Variants in CLDN16 observed in about 807,000 individuals in gnomAD.
CLDN16 encodes the protein claudin-16.
Under a neutral mutation model 24.6 loss-of-function variants are expected in CLDN16, and 13 were observed. The observed-to-expected ratio is 0.53, with a 90% confidence interval of 0.34 to 0.84. The LOEUF is 0.84. Ranked by LOEUF, CLDN16 falls within the 40% of genes least tolerant of loss-of-function variation. CLDN16 has a pLI of 0.01. For synonymous variants in CLDN16, 116 were observed against 106.7 expected (o/e 1.09, Z -0.54); for missense variants, 298 against 292.7 (o/e 1.02, Z -0.13).
At chr3:190,311,027 T>G in the CLDN16 span, among the ~76,000 whole-genome samples, 17 of 152,320 alleles carry the variant, frequency 1.1e-4, no homozygotes, top group Non-Finnish European at 1.9e-4. Context: ...TATAGATAGA[T>G]TAGATGTTTC....
chr3:190,351,981 T>A (rs1007056165), intron 1 of CLDN16, among the ~76,000 whole-genome samples: 1 of 152,172 alleles, frequency 6.6e-6, no homozygotes, highest in East Asian at 1.9e-4. Flanking sequence ...AGCAAAATGT[T>A]TTTCCTGGCT....
At chr3:190,354,174 T>C (rs1336046494) in intron 1 of CLDN16, among the ~76,000 whole-genome samples, 1 of 152,040 alleles carries the variant, frequency 6.6e-6, no homozygotes. Context: ...TTAGGTCTCA[T>C]CTTGATAATC....
intron 1 of CLDN16, among the ~76,000 whole-genome samples, chr3:190,322,904 C>G (rs923735415): frequency 6.6e-6 from 1 of 151,964 alleles, no homozygotes; most frequent in African/African-American, 2.4e-5. Flanking sequence ...TCTCTCTGCT[C>G]TCTTCTGTCA....
At chr3:190,347,023 C>A (rs900199650) in intron 1 of CLDN16, among the ~76,000 whole-genome samples, 1 of 152,110 alleles carries the variant, frequency 6.6e-6, no homozygotes, top group Non-Finnish European at 1.5e-5. Context: ...GGAGGATACT[C>A]TTTATCCTCA....
intron 1 of CLDN16, among the ~76,000 whole-genome samples, chr3:190,348,776 AGT>A (rs1296340982): frequency 5.3e-5 from 8 of 152,246 alleles, no homozygotes; most frequent in Admixed American, 2.6e-4. Context: ...TACTAAGCCT[AGT>A]ACCCATTAGT....
At chr3:190,328,472 T>C (rs1056937572) in intron 1 of CLDN16, among the ~76,000 whole-genome samples, 2 of 152,128 alleles carry the variant, frequency 1.3e-5, no homozygotes, top group African/African-American at 4.8e-5. Flanking sequence ...GTAAATAAAA[T>C]TGATTGAAGT....
chr3:190,382,995 G>A (rs61115147), intron 3 of CLDN16, among the ~76,000 whole-genome samples: 30,536 of 151,986 alleles, frequency 0.2, 3,548 homozygotes, highest in East Asian at 0.45. Flanking sequence ...ACATAAGCTA[G>A]TGTAATAGGA....
At chr3:190,363,635 A>T (rs1717956000) in intron 1 of CLDN16, among the ~76,000 whole-genome samples, 1 of 144,020 alleles carries the variant, frequency 6.9e-6, no homozygotes, top group Non-Finnish European at 1.5e-5. Context: ...TGAGATATAG[A>T]TCAATTAGTT....
intron 4 of CLDN16, among the ~76,000 whole-genome samples, chr3:190,408,799 T>A (rs1263903948): frequency 2.0e-5 from 3 of 147,694 alleles, no homozygotes; most frequent in African/African-American, 7.4e-5. Flanking sequence ...TACACACATA[T>A]ACATACCGTA....
rs533151118 is a variant in CLDN16, at chr3:190,402,226, G to T, written c.115-111G>T. 4.9e-6 allele frequency: 4 copies of T among 815,326 alleles called. No individual in the cohort carries two copies. The South Asian group carries it at 5.4e-5, about 11-fold the overall frequency. The allele number at this position is 815,326 out of a possible 1,614,324, so 50.5% of individuals were successfully genotyped here. A position where few individuals can be genotyped will look rare whatever the true frequency, so the allele number is the denominator to read the frequency against. On this transcript the variant is annotated intron_variant, in intron 1 of 4. Transcript: ENST00000264734. ...TGTAAATGAAGTTCTGATCACATGT[G>T]TAACCACTTACTTTGCTATCAAACA...
intron 3 of CLDN16, among the ~76,000 whole-genome samples, chr3:190,406,657 T>A (rs1245029961): frequency 6.6e-6 from 1 of 152,094 alleles, no homozygotes; most frequent in African/African-American, 2.4e-5. Flanking sequence ...AATTTCTAAC[T>A]GAAAACTGCA....
chr3:190,327,682 C>T (rs990694691), intron 1 of CLDN16, among the ~76,000 whole-genome samples: 1 of 152,158 alleles, frequency 6.6e-6, no homozygotes, highest in Non-Finnish European at 1.5e-5. Context: ...CAGTTACCTC[C>T]TTTGTATCTC....
intron 1 of CLDN16, among the ~76,000 whole-genome samples, chr3:190,396,280 C>G (rs896064276): frequency 6.6e-6 from 1 of 152,116 alleles, no homozygotes; most frequent in Admixed American, 6.5e-5. Context: ...CTTTCCAGAG[C>G]CAGTTGAGTA....
chr3:190,360,425 TGGAGGCAGGAAGAC>T (rs974032703), intron 1 of CLDN16, among the ~76,000 whole-genome samples: 23 of 151,650 alleles, frequency 1.5e-4, no homozygotes, highest in African/African-American at 5.3e-4. Flanking sequence ...TGTGAGGGAG[TGGAGGCAGGAAGAC>T]CATTTTAGGA....
chr3:190,371,619 A>G (rs1718143794), intron 2 of CLDN16, among the ~76,000 whole-genome samples: 2 of 151,984 alleles, frequency 1.3e-5, no homozygotes, highest in African/African-American at 4.8e-5. Context: ...TCCTTCAAAA[A>G]AAAGTCAGAT....
At chr3:190,383,880 A>G (rs1278949192), upstream of CLDN16, among the ~76,000 whole-genome samples, 1 of 152,222 alleles carries the variant, frequency 6.6e-6, no homozygotes, top group Non-Finnish European at 1.5e-5. Context: ...TAAAAATCAT[A>G]CTAACTACAA....
intron 1 of CLDN16, among the ~76,000 whole-genome samples, chr3:190,350,344 T>TATATATATATATATATATATA (rs1560085135): frequency 2.7e-4 from 38 of 142,060 alleles, no homozygotes; most frequent in East Asian, 4.0e-4. Flanking sequence ...GTTCATAATG[T>TATATATATATATATATATATA]TATATATATA....
Position 190,410,064 on chromosome 3 carries a change from A to G in CLDN16, c.*28A>G. 1 of 1,613,342 alleles carries G rather than the reference A, an allele frequency of 6.2e-7. No homozygotes were observed. The highest frequency in any genetic ancestry group is 8.5e-7 in the Non-Finnish European group (1 of 1,179,272). On this transcript the variant is annotated 3_prime_UTR_variant, in exon 5 of 5. Coordinates refer to ENST00000264734, the MANE Select transcript of CLDN16 (RefSeq NM_006580.4). ...TGCACGTTTCAGGGTGTGTTTGCAT[A>G]TGATTTAATCAATCAGTATGGTTAC...
intron 3 of CLDN16, among the ~76,000 whole-genome samples, chr3:190,378,233 C>T (rs111294541): frequency 0.036 from 5,541 of 151,954 alleles, 145 homozygotes; most frequent in South Asian, 0.063. Context: ...GCTCACAATG[C>T]ACTTACAAGA....
Sources: gnomAD v4.1 joint callset for allele counts (sites outside exome capture counted in the v4.1 genomes callset) on GRCh38, gnomAD v4.1.1 for gene constraint, MANE v1.5 for transcripts, NCBI Gene and HGNC (gene_info 2026-07-23, HGNC 2026-07-21) for gene names.